The following CSF3R variants were observed in gnomAD, a reference collection of about 807,000 sequenced individuals.
CSF3R encodes the protein colony stimulating factor 3 receptor.
CSF3R carries 52 observed loss-of-function variants against 84.4 expected under a neutral mutation model. The observed-to-expected ratio is 0.62, with a 90% CI of 0.49 to 0.78. The LOEUF is 0.78. CSF3R is among the 30% of genes least tolerant of loss of function. The pLI is 0.00. For synonymous variants in CSF3R, 384 were observed against 429.1 expected (o/e 0.89, Z 1.30); for missense variants, 890 against 1,055.7 (o/e 0.84, Z 2.17).
In CSF3R at chr1:36,467,214, C is replaced by T; in HGVS notation, c.2040+16G>A. ...GACATCCCCATCTCATTTCCCTCTC[C>T]CTCCTGGATTCTCACCTCCTCCATG... is the stretch of plus-strand genomic sequence containing the variant. On this transcript the variant is annotated intron_variant, in intron 16 of 16. Coordinates refer to ENST00000373106, the MANE Select transcript of CSF3R (RefSeq NM_000760.4). This position sits in a 1 kb window ranked among gnomAD's most constrained non-coding sequence, Gnocchi z 4.1. 1.2e-6 allele frequency: 2 copies of T among 1,613,358 alleles called. No individual in the cohort carries two copies. The highest frequency in any genetic ancestry group is 1.1e-5 in the South Asian group (1 of 91,072).
At chr1:36,481,078 TG>T (rs565915468) in intron 2 of CSF3R, among the ~76,000 whole-genome samples, 43 of 152,288 alleles carry the variant, frequency 2.8e-4, no homozygotes, top group African/African-American at 1.0e-3. Flanking sequence ...CAACACTGGT[TG>T]GGGAAGATTT....
At chr1:36,478,816 A>G (rs1221388265) in intron 3 of CSF3R, 1 of 186,940 alleles carries the variant, frequency 5.3e-6, no homozygotes, top group Admixed American at 5.4e-5. Context: ...GTGCCACTGC[A>G]CTCCAGCCTG....
At chr1:36,480,824 G>A (rs1039239185) in intron 2 of CSF3R, among the ~76,000 whole-genome samples, 7 of 152,084 alleles carry the variant, frequency 4.6e-5, no homozygotes, top group Non-Finnish European at 7.4e-5. Context: ...TTGCAGTATC[G>A]GAATACCCAG....
At chr1:36,473,229 T>TGCCTCTGTGTCTCTTC in intron 6 of CSF3R, 1 of 614,494 alleles carries the variant, frequency 1.6e-6, no homozygotes, top group South Asian at 2.0e-5. Context: ...TGTGTCTCTT[T>TGCCTCTGTGTCTCTTC]GCCTCTGTGT....
At chr1:36,474,979 A>G (rs1651029173) in intron 4 of CSF3R, among the ~76,000 whole-genome samples, 1 of 151,812 alleles carries the variant, frequency 6.6e-6, no homozygotes, top group African/African-American at 2.4e-5. Flanking sequence ...ATTAGATAAG[A>G]GCTCAATAGG....
In CSF3R at chr1:36,482,226, G is replaced by T. The variant is rs931892704; in HGVS notation, c.-81+585C>A. ...ACAGACTGAAACGACAGAGAGACTC[G>T]CCAAGAGGACGATTGAGGCCAGAGA... is the stretch of plus-strand genomic sequence containing the variant. On this transcript the variant is annotated intron_variant, in intron 1 of 16. Transcript: ENST00000373106. Among the ~76,000 whole-genome samples the T allele has an allele frequency of 4.6e-5, 7 of 150,624 alleles. No individual in the cohort carries two copies. In the East Asian group the frequency reaches 1.4e-3, roughly 29 times the overall value.
At chr1:36,470,432 G>T (rs1265744371) in intron 10 of CSF3R, among the ~76,000 whole-genome samples, 1 of 152,098 alleles carries the variant, frequency 6.6e-6, no homozygotes, top group Admixed American at 6.5e-5. Context: ...TGATCCGCCC[G>T]CCTCAGCCTC....
chr1:36,467,079 G>A lies in CSF3R; in HGVS notation c.2040+151C>T, dbSNP rs1484702153. On this transcript the variant is annotated intron_variant, in intron 16 of 16. Coordinates refer to ENST00000373106, the MANE Select transcript of CSF3R (RefSeq NM_000760.4). This position sits in a 1 kb window ranked among gnomAD's most constrained non-coding sequence, Gnocchi z 4.1. ...CTGAGGCTTTGAGATGGACAGAGGT[G>A]GGATTCAAAGTTGGGTCTGCTTCAG... 6.5e-6 allele frequency: 8 copies of A among 1,222,400 alleles called. No individual in the cohort carries two copies. Among genetic ancestry groups the A allele is most frequent in the Non-Finnish European group, 9.4e-6 (8 of 847,214 alleles). 75.7% of individuals were successfully genotyped at this position (1,222,400 alleles called of 1,614,324 possible).
chr1:36,477,966 A>T (rs1482048410), intron 3 of CSF3R, among the ~76,000 whole-genome samples: 1 of 149,810 alleles, frequency 6.7e-6, no homozygotes, highest in East Asian at 2.1e-4. Context: ...CACTGTGTTC[A>T]CCAGGATGGT....
rs771114989 is a variant in CSF3R at position 36,473,496 on chromosome 1, C to T, written c.612G>A (p.Gln204=). The change falls in exon 6 of 17, where the codon CAG becomes CAA. Residue 204 remains glutamine (Q), a synonymous_variant. Transcript: ENST00000373106. ...LLYQNMGIWV[Q]AENALGTSMS... ...TGCTGGTCCCCAGCGCATTCTCTGC[C>T]TGCACCCAGATGCCCATATTCTGGT... 3.7e-6 allele frequency: 6 copies of T among 1,614,160 alleles called. No individual in the cohort carries two copies. In the Admixed American group the frequency reaches 1.0e-4, roughly 27 times the overall value.
chr1:36,472,376 A>T lies in CSF3R; in HGVS notation c.859T>A (p.Leu287Met). Residue 287 changes from leucine to methionine, a missense_variant, in exon 8 of 17, where the codon TTG (leucine) becomes ATG (methionine). Physicochemically the swap from Leu to Met is conservative, Grantham distance 15 (BLOSUM62 2). Transcript: ENST00000373106. This position sits in a 1 kb window ranked among gnomAD's most constrained non-coding sequence, Gnocchi z 5.0. Reference protein sequence around the residue: ...ASWALVGPLPLEALQYELCGL... With the variant: ...ASWALVGPLPMEALQYELCGL... The stretch of plus-strand genomic sequence containing the variant: ...CAGAGCTCATACTGAAGGGCCTCCA[A>T]GGGGAGGGGGCCCACCTGGTGAGGG... 2 of 1,614,050 alleles carry T rather than the reference A, an allele frequency of 1.2e-6. No homozygotes were observed. The highest frequency in any genetic ancestry group is 1.7e-6 in the Non-Finnish European group (2 of 1,180,010).
intron 4 of CSF3R, among the ~76,000 whole-genome samples, chr1:36,474,727 C>G (rs1027005710): frequency 6.6e-6 from 1 of 152,142 alleles, no homozygotes; most frequent in Non-Finnish European, 1.5e-5. Context: ...GGGTGGGGGA[C>G]AAGCCCAGCT....
At chr1:36,471,396 T>C in intron 10 of CSF3R, 37 bp downstream of exon 10, 1 of 1,588,216 alleles carries the variant, frequency 6.3e-7, no homozygotes, top group South Asian at 1.1e-5. Flanking sequence ...TTGATGCGCT[T>C]GACCTCTGTG....
chr1:36,470,672 C>T lies in CSF3R; in HGVS notation c.1285+761G>A, dbSNP rs146603861. 6.7e-3 allele frequency among the ~76,000 whole-genome samples: 1,023 copies of T among 152,278 alleles called. 11 individuals carry two copies. The highest frequency in any genetic ancestry group is 0.024 in the African/African-American group (991 of 41,542). The stretch of plus-strand genomic sequence containing the variant: ...TATTGTGATTATTAGTCCCACCTTG[C>T]GAGGACCAATGTTTAGGGAAAGCAG... On this transcript the variant is annotated intron_variant, in intron 10 of 16. Coordinates refer to ENST00000373106, the MANE Select transcript of CSF3R (RefSeq NM_000760.4).
chr1:36,479,456 A>C lies in CSF3R; in HGVS notation c.41T>G (p.Leu14Arg). The C allele has an allele frequency of 6.2e-7, 1 of 1,614,156 alleles. No homozygotes were observed. The highest frequency in any genetic ancestry group is 8.5e-7 in the Non-Finnish European group (1 of 1,180,008). Residue 14 changes from leucine to arginine, a missense_variant, in exon 3 of 17, where the codon CTG becomes CGG. By Grantham distance (102) the Leu-to-Arg change is moderately radical. Coordinates refer to ENST00000373106, the MANE Select transcript of CSF3R (RefSeq NM_000760.4). The part of the protein sequence containing the change: ...LGNCSLTWAA[L>R]IILLLPGSLE... Reference sequence around the variant, plus strand: ...ACTTCCGGGGAGCAGCAGGATGATCAGGGCAGCCCAAGTCAGGCTGCAGTT... The same window carrying C: ...ACTTCCGGGGAGCAGCAGGATGATCCGGGCAGCCCAAGTCAGGCTGCAGTT...
chr1:36,467,682 G>T lies in CSF3R; in HGVS notation c.1865-31C>A. ...GTGAGGGCAGGGCCGGAAGAAGTTAGAATGCATGTTGGGAAGGCTGGGTCT... is the reference window on the plus strand; with the variant it reads ...GTGAGGGCAGGGCCGGAAGAAGTTATAATGCATGTTGGGAAGGCTGGGTCT... On this transcript the variant is annotated intron_variant, in intron 14 of 16. Transcript: ENST00000373106. The surrounding 1 kb of genome is among the most constrained non-coding windows in gnomAD (Gnocchi z 4.1). The T allele has an allele frequency of 6.2e-7, 1 of 1,613,012 alleles. No homozygotes were observed. Among genetic ancestry groups the T allele is most frequent in the South Asian group, 1.1e-5 (1 of 91,040 alleles).
At chr1:36,468,266 G>A in intron 12 of CSF3R, 45 bp from the exon 13 acceptor site, 2 of 1,525,026 alleles carry the variant, frequency 1.3e-6, no homozygotes, top group South Asian at 2.6e-5. Flanking sequence ...GTGGGGCAGA[G>A]CAAGAGCCCG....
chr1:36,471,281 G>A (rs750434387), intron 10 of CSF3R, 152 bp downstream of exon 10: 48 of 797,732 alleles, frequency 6.0e-5, no homozygotes, highest in Non-Finnish European at 6.6e-5. Flanking sequence ...TCCTGACCTC[G>A]GATGATCTGC....
At chr1:36,469,884 G>A (rs1052603604) in intron 10 of CSF3R, 44 bp from the exon 11 acceptor site, 1 of 1,599,082 alleles carries the variant, frequency 6.3e-7, no homozygotes, top group Non-Finnish European at 8.5e-7. Context: ...TGAAAAGAAT[G>A]CAGGCCCTTG....
Sources: allele counts gnomAD v4.1 joint callset (sites outside exome capture counted in the v4.1 genomes callset), GRCh38; gene constraint gnomAD v4.1.1; non-coding constraint Gnocchi (gnomAD v3.1); transcripts MANE v1.5; gene names NCBI Gene and HGNC (gene_info 2026-07-23, HGNC 2026-07-21).